PPP4R3A: variants seen among roughly 807,000 people sequenced by gnomAD.
PPP4R3A encodes the protein protein phosphatase 4 regulatory subunit 3A, also known as serine/threonine-protein phosphatase 4 regulatory subunit 3A.
PPP4R3A carries 15 observed loss-of-function variants against 91.7 expected under a neutral mutation model. The observed-to-expected ratio is 0.16, with a 90% confidence interval of 0.11 to 0.25. The LOEUF is 0.25. PPP4R3A is among the 10% of genes least tolerant of loss of function. PPP4R3A has a pLI of 1.00. For synonymous variants in PPP4R3A, 377 were observed against 348.7 expected (o/e 1.08, Z -0.91); for missense variants, 623 against 998.4 (o/e 0.62, Z 5.07).
chr14:91,499,122 A>G (rs9788621), intron 1 of PPP4R3A, among the ~76,000 whole-genome samples: 56,348 of 151,104 alleles, frequency 0.37, 10,741 homozygotes, highest in East Asian at 0.47. Flanking sequence ...AAAATTTGCC[A>G]GGCATGGTGG....
chr14:91,464,381 T>C (rs1200598908), intron 11 of PPP4R3A, among the ~76,000 whole-genome samples: 1 of 140,112 alleles, frequency 7.1e-6, no homozygotes, highest in Non-Finnish European at 1.5e-5. Flanking sequence ...AGATGAATAA[T>C]GGTGATGGCT....
chr14:91,510,082 T>A lies in PPP4R3A; in HGVS notation c.-435A>T. On this transcript the variant is annotated 5_prime_UTR_variant, in exon 1 of 15. Transcript: ENST00000554943. ...TATTTTCCTTCCTTATACCTGGCCC[T>A]GCCACCGCGGCCAGTGGCTCCCTTC... The A allele has an allele frequency of 2.8e-6, 1 of 358,782 alleles. No homozygotes were observed. The highest frequency in any genetic ancestry group is 3.9e-6 in the Non-Finnish European group (1 of 256,222). The allele number at this position is 358,782 out of a possible 1,614,324, so 22.2% of individuals were successfully genotyped here. A position where few individuals can be genotyped will look rare whatever the true frequency, so the allele number is the denominator to read the frequency against.
intron 1 of PPP4R3A, among the ~76,000 whole-genome samples, chr14:91,497,341 T>TACACACACACAC (rs10542688): frequency 1.7e-4 from 25 of 148,514 alleles, no homozygotes; most frequent in East Asian, 1.2e-3. Flanking sequence ...ATCTTTTATT[T>TACACACACACAC]ACACACACAC....
At chr14:91,496,237 T>A (rs183251642) in intron 1 of PPP4R3A, among the ~76,000 whole-genome samples, 2 of 152,330 alleles carry the variant, frequency 1.3e-5, no homozygotes, top group Admixed American at 1.3e-4. Context: ...GTGCTGGTTA[T>A]TTTTTGAAAA....
At chr14:91,481,108 A>G (rs1245407362) in intron 4 of PPP4R3A, among the ~76,000 whole-genome samples, 1 of 151,636 alleles carries the variant, frequency 6.6e-6, no homozygotes, top group African/African-American at 2.4e-5. Context: ...CAGGGCAGGC[A>G]GATTGCTTGA....
chr14:91,509,691 C>G lies in PPP4R3A; in HGVS notation c.-44G>C, dbSNP rs2140184782. ...GGGCGGGGGCCCCGCCAGTAGACGCCCAGGAAAGGGGCCCTGGAGAGGCGA... is the reference window on the plus strand; with the variant it reads ...GGGCGGGGGCCCCGCCAGTAGACGCGCAGGAAAGGGGCCCTGGAGAGGCGA... On this transcript the variant is annotated 5_prime_UTR_variant, in exon 1 of 15. Transcript: ENST00000554943. 2 of 1,580,116 alleles carry G rather than the reference C, an allele frequency of 1.3e-6. No homozygotes were observed. The highest frequency in any genetic ancestry group is 3.8e-4 in the Middle Eastern group (2 of 5,230).
intron 3 of PPP4R3A, among the ~76,000 whole-genome samples, chr14:91,485,310 AT>A (rs1889817106): frequency 6.6e-6 from 1 of 152,258 alleles, no homozygotes; most frequent in Admixed American, 6.5e-5. Context: ...CAGCAACTGC[AT>A]GGCACTTAGA....
At position 91,476,880 on chromosome 14, in the gene PPP4R3A, T is replaced by TA. The variant is rs531344548; in HGVS notation, c.993+28dup. 7.2e-4 allele frequency: 1,123 copies of TA among 1,548,976 alleles called. 20 individuals are homozygous for TA. The South Asian group carries it at 0.01, about 14-fold the overall frequency. On this transcript the variant is annotated intron_variant, in intron 5 of 14. Coordinates refer to ENST00000554943, the MANE Select transcript of PPP4R3A (RefSeq NM_001366432.2). ...CAAGCCCGGCCAGTTGTTTTATTTTTATGCCTTTCATAGTATCTAATTTCT... is the reference window on the plus strand; with the variant it reads ...CAAGCCCGGCCAGTTGTTTTATTTTTAATGCCTTTCATAGTATCTAATTTCT...
chr14:91,476,351 A>T, intron 6 of PPP4R3A, 57 bp downstream of exon 6: 1 of 1,213,226 alleles, frequency 8.2e-7, no homozygotes, highest in Middle Eastern at 2.3e-4. Context: ...TAGCATTAAA[A>T]ATATTAATTT....
At chr14:91,492,254 T>C (rs1021425494) in intron 1 of PPP4R3A, among the ~76,000 whole-genome samples, 9 of 152,170 alleles carry the variant, frequency 5.9e-5, no homozygotes, top group African/African-American at 1.7e-4. Context: ...TGGCCCAAAA[T>C]ATTTGAGAAA....
intron 3 of PPP4R3A, 127 bp from the exon 4 acceptor site, chr14:91,482,320 C>A: frequency 9.7e-7 from 1 of 1,026,176 alleles, no homozygotes; most frequent in South Asian, 1.9e-5. Flanking sequence ...GACAAAACTG[C>A]CTACTTTTCT....
chr14:91,461,525 G>T lies in PPP4R3A; in HGVS notation c.2247C>A (p.Ser749=), dbSNP rs1031284527. The T allele has an allele frequency of 1.2e-6, 2 of 1,613,922 alleles. No homozygotes were observed. Among genetic ancestry groups the T allele is most frequent in the African/African-American group, 2.7e-5 (2 of 74,894 alleles). The part of the protein sequence containing the change: ...RQSPSFKLSL[S]SGTKTNLTSQ... ...TGGTGAGGTTAGTCTTCGTTCCACT[G>T]GACAGGGAAAGCTTGAAACTTGGGC... is the stretch of plus-strand genomic sequence containing the variant. Residue 749 remains serine, a synonymous_variant, in exon 14 of 15, where the codon TCC becomes TCA. Coordinates refer to ENST00000554943, the MANE Select transcript of PPP4R3A (RefSeq NM_001366432.2).
At position 91,457,649 on chromosome 14, in the gene PPP4R3A, G is replaced by A. The variant is rs1887845721; in HGVS notation, c.*1110C>T. 1 of 152,536 alleles carries A rather than the reference G, an allele frequency of 6.6e-6. No individual in the cohort carries two copies. Among genetic ancestry groups the A allele is most frequent in the Non-Finnish European group, 1.5e-5 (1 of 67,998 alleles). 9.4% of individuals were successfully genotyped at this position (152,536 alleles called of 1,614,324 possible). A position where few individuals can be genotyped will look rare whatever the true frequency, so the allele number is the denominator to read the frequency against. ...TCACTTTTCTTTTTATTATTCAAAA[G>A]TCAAATGTTTTTAAATCATCCATCC... On this transcript the variant is annotated 3_prime_UTR_variant, in exon 15 of 15. Coordinates refer to ENST00000554943, the MANE Select transcript of PPP4R3A (RefSeq NM_001366432.2).
intron 10 of PPP4R3A, among the ~76,000 whole-genome samples, 183 bp from the exon 11 acceptor site, chr14:91,465,602 A>G (rs1008591715): frequency 6.6e-6 from 1 of 152,208 alleles, no homozygotes; most frequent in Non-Finnish European, 1.5e-5. Flanking sequence ...TATCAGAAAA[A>G]TGTCTTCTAA....
intron 9 of PPP4R3A, 24 bp downstream of exon 9, chr14:91,473,009 A>G: frequency 4.4e-6 from 7 of 1,601,666 alleles, no homozygotes; most frequent in East Asian, 2.2e-5. Context: ...CAGAGAACTT[A>G]ACTACCAACC....
At chr14:91,509,378 C>T (rs1459215828) in intron 1 of PPP4R3A, 128 bp downstream of exon 1, 2 of 1,370,668 alleles carry the variant, frequency 1.5e-6, no homozygotes, top group East Asian at 5.1e-5. Flanking sequence ...CCGTCCTCCC[C>T]CGAGGTGGCC....
chr14:91,492,985 G>C (rs917748804), intron 1 of PPP4R3A, among the ~76,000 whole-genome samples: 1 of 152,164 alleles, frequency 6.6e-6, no homozygotes, highest in Non-Finnish European at 1.5e-5. Context: ...CAGCACTTTG[G>C]GAAGCTGAGG....
intron 1 of PPP4R3A, among the ~76,000 whole-genome samples, chr14:91,505,239 T>G (rs7143962): frequency 6.6e-6 from 1 of 151,808 alleles, no homozygotes; most frequent in Admixed American, 6.6e-5. Context: ...GATCACCTGA[T>G]GTCAGCAGTT....
At chr14:91,494,487 T>C (rs1890419455) in intron 1 of PPP4R3A, among the ~76,000 whole-genome samples, 1 of 152,178 alleles carries the variant, frequency 6.6e-6, no homozygotes, top group African/African-American at 2.4e-5. Context: ...TGAATAGAAA[T>C]TTATCCAAAA....
Sources: allele counts gnomAD v4.1 joint callset (sites outside exome capture counted in the v4.1 genomes callset), GRCh38; gene constraint gnomAD v4.1.1; transcripts MANE v1.5; gene names NCBI Gene and HGNC (gene_info 2026-07-23, HGNC 2026-07-21).